The following ADAM22 variants were observed in gnomAD, a reference collection of about 807,000 sequenced individuals.
ADAM22 encodes the protein disintegrin and metalloproteinase domain-containing protein 22.
Under a neutral mutation model 144.6 loss-of-function variants are expected in ADAM22, and 65 were observed. The observed-to-expected ratio is 0.45, with a 90% confidence interval of 0.37 to 0.55. The LOEUF (loss-of-function observed/expected upper bound fraction) is 0.55. Among genes scored for constraint, ADAM22 ranks in the 20% least tolerant of loss-of-function variants. The probability of loss-of-function intolerance (pLI) is 0.00; values close to 1 mark genes in which losing one functional copy is unlikely to be tolerated. For synonymous variants in ADAM22, 391 were observed against 412.6 expected, an observed-to-expected ratio of 0.95 and a Z score of 0.63; for missense variants, 974 against 1,184.9, an observed-to-expected ratio of 0.82 and a Z score of 2.61.
chr7:87,975,858 G>A (rs558360401), intron 2 of ADAM22, among the ~76,000 whole-genome samples: 40 of 152,084 alleles, frequency 2.6e-4, no homozygotes, highest in Non-Finnish European at 5.3e-4. Flanking sequence ...GGAGGGAGAG[G>A]TTCATTTTAA....
At chr7:87,937,890 A>G (rs192559286) in intron 2 of ADAM22, among the ~76,000 whole-genome samples, 1 of 152,346 alleles carries the variant, frequency 6.6e-6, no homozygotes, top group East Asian at 1.9e-4. Context: ...ATATGTGTAC[A>G]TAGTAAGGTA....
intron 6 of ADAM22, among the ~76,000 whole-genome samples, chr7:88,116,328 C>G (rs896250505): frequency 2.0e-5 from 3 of 152,078 alleles, no homozygotes; most frequent in African/African-American, 7.2e-5. Flanking sequence ...TTACTTATAC[C>G]AGGCATCCTG....
intron 3 of ADAM22, among the ~76,000 whole-genome samples, chr7:87,983,045 C>A (rs1394276418): frequency 1.3e-5 from 2 of 151,886 alleles, no homozygotes; most frequent in Non-Finnish European, 2.9e-5. Context: ...AAGATCTTTT[C>A]ATTGATTTTA....
intron 3 of ADAM22, among the ~76,000 whole-genome samples, chr7:87,994,749 G>A (rs1790711271): frequency 6.6e-6 from 1 of 152,104 alleles, no homozygotes; most frequent in East Asian, 1.9e-4. Context: ...TGTAATCACA[G>A]AAACTGCCTA....
At chr7:88,046,004 G>A (rs1322930300) in intron 3 of ADAM22, among the ~76,000 whole-genome samples, 1 of 151,244 alleles carries the variant, frequency 6.6e-6, no homozygotes, top group Non-Finnish European at 1.5e-5. Flanking sequence ...CTTAGGTATT[G>A]CGAATAGTGC....
At chr7:88,065,726 C>A (rs1811060819) in intron 3 of ADAM22, among the ~76,000 whole-genome samples, 1 of 151,958 alleles carries the variant, frequency 6.6e-6, no homozygotes, top group African/African-American at 2.4e-5. Flanking sequence ...TTTTAAATTG[C>A]TTTAAAATTT....
rs1360388381 is a variant in ADAM22 at position 87,978,384 on chromosome 7, T to C, written c.295T>C (p.Ser99Pro). ...ASFQVDAFGT[S>P]FILDVVLNHD... ...CTTCCAGGTTGATGCCTTTGGAACG[T>C]CATTCATTCTCGATGTCGTGCTAAA... The change falls in exon 3 of 32, where the codon TCA (serine) becomes CCA (proline). Residue 99 changes from serine to proline, a missense_variant. Around this residue, in one of 2 missense-constraint regions of ADAM22, gnomAD observed 240 missense variants for 234.3 expected, o/e 1.02. Transcript: ENST00000413139. 2.5e-6 allele frequency: 4 copies of C among 1,613,778 alleles called. No individual in the cohort carries two copies. Among genetic ancestry groups the C allele is most frequent in the Non-Finnish European group, 2.5e-6 (3 of 1,179,822 alleles).
At chr7:87,996,221 G>A (rs1444547050) in intron 3 of ADAM22, among the ~76,000 whole-genome samples, 2 of 152,182 alleles carry the variant, frequency 1.3e-5, no homozygotes, top group Non-Finnish European at 2.9e-5. Flanking sequence ...TGGTTGGCTG[G>A]TTAATGTACT....
At chr7:88,050,221 TAAAAAAAAAA>T (rs1240990310) in intron 3 of ADAM22, among the ~76,000 whole-genome samples, 1 of 70,566 alleles carries the variant, frequency 1.4e-5, no homozygotes, top group African/African-American at 5.3e-5. Flanking sequence ...CCATCTCTAC[TAAAAAAAAAA>T]AAAAAAAAAA....
In ADAM22 at chr7:88,163,169, T is replaced by C; in HGVS notation, c.2065T>C (p.Ser689Pro). Residue 689 changes from serine to proline, a missense_variant, in exon 23 of 32, where the codon TCA (serine) becomes CCA (proline). By Grantham distance (74) the Ser-to-Pro change is moderately conservative. Transcript: ENST00000413139. ...GAGCAGTAAAGAAGGCACTATTTGC[T>C]CAGGAAATGGAGTAAGTATCCAGTA... is the stretch of plus-strand genomic sequence containing the variant. ...CLSSKEGTICSGNGVCSNELK... is the reference protein window; with the variant it reads ...CLSSKEGTICPGNGVCSNELK... 1 of 1,605,384 alleles carries C rather than the reference T, an allele frequency of 6.2e-7. No individual in the cohort carries two copies. Among genetic ancestry groups the C allele is most frequent in the Non-Finnish European group, 8.5e-7 (1 of 1,176,872 alleles).
intron 3 of ADAM22, among the ~76,000 whole-genome samples, chr7:88,050,221 TAAAAAA>T (rs1240990310): frequency 2.8e-5 from 2 of 70,566 alleles, no homozygotes; most frequent in Non-Finnish European, 5.7e-5. Flanking sequence ...CCATCTCTAC[TAAAAAA>T]AAAAAAAAAA....
In ADAM22 at chr7:88,139,438, A is replaced by G. The variant is rs145959681; in HGVS notation, c.1220+3407A>G. ...CATCTCTAAATAAATAAATAAATAAATAAATAAATAAATAAATAAAAGGAG... is the reference window on the plus strand; with the variant it reads ...CATCTCTAAATAAATAAATAAATAAGTAAATAAATAAATAAATAAAAGGAG... On this transcript the variant is annotated intron_variant, in intron 14 of 31. Coordinates refer to ENST00000413139, the MANE Select transcript of ADAM22 (RefSeq NM_001324418.2). 1.5e-3 allele frequency among the ~76,000 whole-genome samples: 228 copies of G among 151,576 alleles called. 2 individuals carry two copies. Among genetic ancestry groups the G allele is most frequent in the Non-Finnish European group, 1.6e-3 (109 of 67,866 alleles).
chr7:88,039,449 C>CAA lies in ADAM22; in HGVS notation c.324-36162_324-36161dup, dbSNP rs1216762883. ...AGGGCAACAGAGCGAGATTCTGTCT[C>CAA]AAAAAAAAAAAAAAAATATATATAT... On this transcript the variant is annotated intron_variant, in intron 3 of 31. Transcript: ENST00000413139. 3.2e-4 allele frequency among the ~76,000 whole-genome samples: 19 copies of CAA among 58,614 alleles called. 2 individuals are homozygous for CAA. Among genetic ancestry groups the CAA allele is most frequent in the South Asian group, 1.6e-3 (2 of 1,234 alleles). The allele number at this position is 58,614 out of a possible 152,430, so 38.5% of individuals were successfully genotyped here.
At chr7:88,149,559 G>A (rs1294493921) in intron 18 of ADAM22, among the ~76,000 whole-genome samples, 1 of 152,150 alleles carries the variant, frequency 6.6e-6, no homozygotes, top group Non-Finnish European at 1.5e-5. Flanking sequence ...ACTTTGGTGG[G>A]AGTTCACAGA....
At chr7:88,081,158 C>T (rs1298471890) in intron 4 of ADAM22, among the ~76,000 whole-genome samples, 1 of 152,192 alleles carries the variant, frequency 6.6e-6, no homozygotes, top group Non-Finnish European at 1.5e-5. Flanking sequence ...AAGTGGGCTT[C>T]ATCCCTGGGA....
rs10246026 is a variant in ADAM22 at position 88,070,300 on chromosome 7, C to A, written c.324-5326C>A. ...TTTAGGTGAGAATGTCTATGAGAAC[C>A]TACAAGATACTTAGAAACTCTTTTG... On this transcript the variant is annotated intron_variant, in intron 3 of 31. Coordinates refer to ENST00000413139, the MANE Select transcript of ADAM22 (RefSeq NM_001324418.2). Among the ~76,000 whole-genome samples, 953 of 152,250 alleles carry A rather than the reference C, an allele frequency of 6.3e-3. 15 individuals carry two copies. Among genetic ancestry groups the A allele is most frequent in the African/African-American group, 0.022 (918 of 41,540 alleles).
chr7:87,955,594 G>A (rs1255605463), intron 2 of ADAM22, among the ~76,000 whole-genome samples: 2 of 152,138 alleles, frequency 1.3e-5, no homozygotes, highest in African/African-American at 4.8e-5. Flanking sequence ...AGTCACACTT[G>A]AGGAGGCAGT....
At position 88,193,128 on chromosome 7, in the gene ADAM22, T is replaced by C. The variant is rs1165053237; in HGVS notation, c.2763T>C (p.Pro921=). ...TEGPYFRTLS[P]AKSPSSSTGS... The stretch of plus-strand genomic sequence containing the variant: ...CTCAACATCTCAGGACTTTATCTCC[T>C]GCCAAGTCTCCTTCTTCATCAACTG... Residue 921 remains proline (P), a synonymous_variant, in exon 31 of 32, where the codon CCT becomes CCC. Transcript: ENST00000413139. 4 of 1,614,066 alleles carry C rather than the reference T, an allele frequency of 2.5e-6. No individual in the cohort carries two copies. The South Asian group carries it at 4.4e-5, about 18-fold the overall frequency.
At chr7:87,980,979 A>T (rs191268810) in intron 3 of ADAM22, among the ~76,000 whole-genome samples, 1 of 152,188 alleles carries the variant, frequency 6.6e-6, no homozygotes, top group African/African-American at 2.4e-5. Flanking sequence ...ATTGTGAAAC[A>T]TTCTTCGGAA....
Sources: gnomAD v4.1 joint callset for allele counts (sites outside exome capture counted in the v4.1 genomes callset) on GRCh38, gnomAD v4.1.1 for gene constraint, gnomAD v4.1.1 regional missense constraint, MANE v1.5 for transcripts, NCBI Gene and HGNC (gene_info 2026-07-23, HGNC 2026-07-21) for gene names.